The following ACVR1 variants were observed in gnomAD, a reference collection of about 807,000 sequenced individuals.
ACVR1 encodes activin A receptor type 1, also known as activin receptor type-1.
In ACVR1, 38 loss-of-function variants were observed where a neutral mutation model predicts 57.1. The observed-to-expected ratio is 0.67, with a 90% CI of 0.51 to 0.87. ACVR1 has a LOEUF of 0.87. Ranked by LOEUF, ACVR1 falls within the 40% of genes least tolerant of loss-of-function variation. The probability of loss-of-function intolerance (pLI) is 0.00; values close to 1 mark genes in which losing one functional copy is unlikely to be tolerated. For missense variants in ACVR1, 463 were observed against 638.2 expected (o/e 0.73, Z 2.96); for synonymous variants, 212 against 228.1 (o/e 0.93, Z 0.63).
intron 1 of ACVR1, among the ~76,000 whole-genome samples, chr2:157,837,975 TTTA>T (rs1390105805): frequency 6.6e-6 from 1 of 152,198 alleles, no homozygotes; most frequent in Non-Finnish European, 1.5e-5. Flanking sequence ...ACAGCATTGT[TTTA>T]TTGGCTACTT....
intron 1 of ACVR1, among the ~76,000 whole-genome samples, chr2:157,821,411 GCT>G (rs1296223924): frequency 2.0e-5 from 3 of 152,036 alleles, no homozygotes; most frequent in Non-Finnish European, 2.9e-5. Context: ...TGTAATCCTA[GCT>G]ACTCGGGAGT....
intron 9 of ACVR1, among the ~76,000 whole-genome samples, chr2:157,755,718 T>C (rs1685400271): frequency 6.6e-6 from 1 of 152,034 alleles, no homozygotes; most frequent in Non-Finnish European, 1.5e-5. Context: ...AGAATCAATA[T>C]TGTGAAAGTA....
intron 3 of ACVR1, among the ~76,000 whole-genome samples, chr2:157,792,098 C>T (rs1686937034): frequency 6.6e-6 from 1 of 151,684 alleles, no homozygotes; most frequent in Admixed American, 6.6e-5. Context: ...ATCCCCACCC[C>T]AATCCCCCAA....
At chr2:157,760,013 G>C (rs1685581271) in intron 9 of ACVR1, among the ~76,000 whole-genome samples, 1 of 152,102 alleles carries the variant, frequency 6.6e-6, no homozygotes, top group Non-Finnish European at 1.5e-5. Flanking sequence ...AAAGCTGAAA[G>C]CCTTTTCTCT....
At chr2:157,773,131 T>TGG (rs1408573590) in intron 6 of ACVR1, among the ~76,000 whole-genome samples, 3 of 152,060 alleles carry the variant, frequency 2.0e-5, no homozygotes, top group African/African-American at 7.2e-5. Flanking sequence ...GTGGAGAGGT[T>TGG]GCCAACCCAT....
At chr2:157,823,715 G>A (rs768171050) in intron 1 of ACVR1, among the ~76,000 whole-genome samples, 8 of 152,084 alleles carry the variant, frequency 5.3e-5, no homozygotes, top group Non-Finnish European at 1.0e-4. Flanking sequence ...CAGACTACAC[G>A]TTTGAAGATA....
chr2:157,780,673 G>A, intron 3 of ACVR1, 73 bp from the exon 4 acceptor site: 1 of 1,554,826 alleles, frequency 6.4e-7, no homozygotes, highest in Non-Finnish European at 8.7e-7. Context: ...CTTCATTGAG[G>A]GAATGACCAT....
chr2:157,799,163 T>A (rs1004646986), intron 3 of ACVR1, among the ~76,000 whole-genome samples: 4 of 152,156 alleles, frequency 2.6e-5, no homozygotes, highest in African/African-American at 9.7e-5. Flanking sequence ...CCCAAAGTGC[T>A]GGGATTACAG....
rs977510409 is a variant in ACVR1, at chr2:157,753,322, G to A, written c.1264+7558C>T. On this transcript the variant is annotated intron_variant, in intron 9 of 10. Coordinates refer to ENST00000434821, the MANE Select transcript of ACVR1 (RefSeq NM_001111067.4). ...AGGCGGGCAGATCACAAGGTCAGGA[G>A]TTTGAGACCAGCCTGGCCAAAATGG... 1.4e-4 allele frequency among the ~76,000 whole-genome samples: 21 copies of A among 152,212 alleles called. 1 individual carries two copies. Among genetic ancestry groups the A allele is most frequent in the Non-Finnish European group, 2.9e-5 (2 of 68,028 alleles).
chr2:157,852,544 A>G (rs1689359710), intron 1 of ACVR1, among the ~76,000 whole-genome samples: 2 of 152,062 alleles, frequency 1.3e-5, no homozygotes, highest in South Asian at 4.1e-4. Flanking sequence ...TTGGAAAAAG[A>G]AAGGGAAACT....
chr2:157,756,143 T>C (rs1685417059), intron 9 of ACVR1, among the ~76,000 whole-genome samples: 1 of 152,066 alleles, frequency 6.6e-6, no homozygotes, highest in Non-Finnish European at 1.5e-5. Context: ...TCCTCATCCT[T>C]CACCTTATAT....
intron 9 of ACVR1, among the ~76,000 whole-genome samples, chr2:157,748,276 G>A (rs1685047736): frequency 6.6e-6 from 1 of 152,076 alleles, no homozygotes. Context: ...GCTCAGCTCT[G>A]GCACCCCCAC....
At chr2:157,800,191 T>C (rs1033443628) in intron 2 of ACVR1, among the ~76,000 whole-genome samples, 45 of 152,246 alleles carry the variant, frequency 3.0e-4, no homozygotes, top group Admixed American at 2.8e-3. Context: ...GTTTGGTTAG[T>C]TGCAATTTTC....
chr2:157,793,644 A>G (rs1170684934), intron 3 of ACVR1, among the ~76,000 whole-genome samples: 1 of 152,240 alleles, frequency 6.6e-6, no homozygotes, highest in African/African-American at 2.4e-5. Flanking sequence ...AAAGAAAAAG[A>G]TTTTATTCTG....
chr2:157,841,456 A>G (rs1167191067), intron 1 of ACVR1, among the ~76,000 whole-genome samples: 1 of 152,140 alleles, frequency 6.6e-6, no homozygotes, highest in Non-Finnish European at 1.5e-5. Context: ...CTGCTTAGAC[A>G]TGTATTTTAA....
At chr2:157,866,445 G>C (rs779411208) in intron 1 of ACVR1, among the ~76,000 whole-genome samples, 129 of 136,002 alleles carry the variant, frequency 9.5e-4, no homozygotes, top group Non-Finnish European at 1.7e-3. Context: ...CAAGGGAGGC[G>C]GGGGGGAAAG....
intron 10 of ACVR1, 22 bp downstream of exon 10, chr2:157,738,418 A>G: frequency 6.2e-7 from 1 of 1,613,964 alleles, no homozygotes; most frequent in Admixed American, 1.7e-5. Flanking sequence ...GAGCTCTAAA[A>G]CTGAGAAACT....
intron 3 of ACVR1, among the ~76,000 whole-genome samples, chr2:157,794,765 A>T (rs928289563): frequency 3.9e-5 from 6 of 152,182 alleles, no homozygotes; most frequent in African/African-American, 1.4e-4. Context: ...TAATCATCAA[A>T]CAGGCCATTA....
At chr2:157,747,425 G>A (rs1164052775) in intron 9 of ACVR1, among the ~76,000 whole-genome samples, 1 of 151,934 alleles carries the variant, frequency 6.6e-6, no homozygotes, top group East Asian at 1.9e-4. Context: ...GGTGGAAACA[G>A]GATATCTAAC....
Sources: allele counts gnomAD v4.1 joint callset (sites outside exome capture counted in the v4.1 genomes callset), GRCh38; gene constraint gnomAD v4.1.1; transcripts MANE v1.5; gene names NCBI Gene and HGNC (gene_info 2026-07-23, HGNC 2026-07-21).